The following GSG1L variants were observed in gnomAD, a reference collection of about 807,000 sequenced individuals.
GSG1L encodes GSG1 like.
A neutral mutation model predicts 42.1 loss-of-function variants in GSG1L; 24 were observed. The observed-to-expected ratio is 0.57, with a 90% confidence interval of 0.41 to 0.80. The LOEUF is 0.80. Among genes scored for constraint, GSG1L ranks in the 30% least tolerant of loss-of-function variants. GSG1L has a pLI of 0.00. For synonymous variants in GSG1L, 215 were observed against 203.5 expected (o/e 1.06, Z -0.48); for missense variants, 445 against 472.2 (o/e 0.94, Z 0.53).
At chr16:27,890,928 C>A (rs939307836) in intron 2 of GSG1L, among the ~76,000 whole-genome samples, 1 of 152,118 alleles carries the variant, frequency 6.6e-6, no homozygotes, top group Non-Finnish European at 1.5e-5. Context: ...TGTGGAAGTG[C>A]GGCAGACACA....
rs775685172 is a variant in GSG1L, at chr16:27,989,123, G to A, written c.350-25920C>T. On this transcript the variant is annotated intron_variant, in intron 1 of 6. Coordinates refer to ENST00000447459, the MANE Select transcript of GSG1L (RefSeq NM_001109763.2). ...AGGAGAGAAGGAGAGACAGTTTCAC[G>A]CTGTCTTTATTAGGGCTTTGGATTT... Among the ~76,000 whole-genome samples, 12 of 151,696 alleles carry A rather than the reference G, an allele frequency of 7.9e-5. No individual in the cohort carries two copies. The East Asian group carries it at 2.3e-3, about 29-fold the overall frequency.
At chr16:27,992,073 T>C (rs972988719) in intron 1 of GSG1L, among the ~76,000 whole-genome samples, 1 of 152,220 alleles carries the variant, frequency 6.6e-6, no homozygotes, top group Non-Finnish European at 1.5e-5. Context: ...GCAAGGTCTT[T>C]AAGCAATGCC....
chr16:27,935,008 CAT>C (rs1168287803), intron 2 of GSG1L, among the ~76,000 whole-genome samples: 1 of 152,196 alleles, frequency 6.6e-6, no homozygotes, highest in African/African-American at 2.4e-5. Flanking sequence ...AGACAGAAAA[CAT>C]GTGAACGCAT....
At chr16:27,800,066 C>T (rs1192519505) in intron 6 of GSG1L, among the ~76,000 whole-genome samples, 1 of 152,148 alleles carries the variant, frequency 6.6e-6, no homozygotes, top group Non-Finnish European at 1.5e-5. Flanking sequence ...CTCCATGTGT[C>T]TCTGATGCTC....
chr16:27,943,630 A>G (rs1392935887), intron 2 of GSG1L, among the ~76,000 whole-genome samples: 1 of 118,474 alleles, frequency 8.4e-6, no homozygotes, highest in Non-Finnish European at 1.6e-5. Flanking sequence ...ACTGAAGTGG[A>G]ATGGTGCAAT....
intron 5 of GSG1L, among the ~76,000 whole-genome samples, chr16:27,811,373 T>G (rs1597466048): frequency 1.3e-5 from 2 of 152,300 alleles, no homozygotes; most frequent in East Asian, 3.9e-4. Flanking sequence ...CAAATAATGG[T>G]GCATGTGGTG....
At chr16:27,964,044 C>T (rs2085100918) in intron 1 of GSG1L, among the ~76,000 whole-genome samples, 1 of 151,922 alleles carries the variant, frequency 6.6e-6, no homozygotes, top group African/African-American at 2.4e-5. Flanking sequence ...TACATTGTTT[C>T]CTCAAAGGCT....
At chr16:27,952,351 G>A (rs1297014376) in intron 2 of GSG1L, among the ~76,000 whole-genome samples, 1 of 152,266 alleles carries the variant, frequency 6.6e-6, no homozygotes, top group East Asian at 1.9e-4. Flanking sequence ...CAGAGGACCA[G>A]TCTCTGTAAG....
At chr16:27,957,973 C>T (rs562709289) in intron 2 of GSG1L, among the ~76,000 whole-genome samples, 80 of 152,238 alleles carry the variant, frequency 5.3e-4, no homozygotes, top group African/African-American at 1.8e-3. Context: ...TGAGAATTCA[C>T]GCATTACCAA....
rs985743452 is a variant in GSG1L at position 27,823,908 on chromosome 16, T to C, written c.830+4881A>G. The C allele has an allele frequency of 2.6e-5, 18 of 702,832 alleles. No homozygotes were observed. In the African/African-American group the frequency reaches 3.1e-4, roughly 12 times the overall value. 43.5% of individuals were successfully genotyped at this position (702,832 alleles called of 1,614,324 possible). On this transcript the variant is annotated intron_variant, in intron 5 of 6. Transcript: ENST00000447459. ...GTCGCCCTCCCTCTCTGTGCCTCGA[T>C]TTGCCACCTGTAAAATGGAGGTGAC...
chr16:27,799,182 T>C lies in GSG1L; in HGVS notation c.899-7715A>G, dbSNP rs185287964. ...ACTTTGAAAGGCTGAAGCGGGAGGA[T>C]TGCTGGAGGCCAGGAGTTCGAGACC... On this transcript the variant is annotated intron_variant, in intron 6 of 6. Transcript: ENST00000447459. 2.6e-5 allele frequency among the ~76,000 whole-genome samples: 4 copies of C among 151,740 alleles called. No individual in the cohort carries two copies. In the East Asian group the frequency reaches 7.8e-4, roughly 29 times the overall value.
chr16:27,902,161 A>T (rs776192410), intron 2 of GSG1L, among the ~76,000 whole-genome samples: 1 of 152,196 alleles, frequency 6.6e-6, no homozygotes, highest in Non-Finnish European at 1.5e-5. Flanking sequence ...CGGGAACCAC[A>T]TCTGGCTCTG....
intron 3 of GSG1L, among the ~76,000 whole-genome samples, chr16:27,865,231 C>T (rs987886655): frequency 3.3e-5 from 5 of 152,154 alleles, no homozygotes; most frequent in Admixed American, 6.5e-5. Flanking sequence ...TCTAGGTCTA[C>T]GAGGCCTCTG....
intron 3 of GSG1L, among the ~76,000 whole-genome samples, chr16:27,874,705 T>C (rs1304183908): frequency 4.6e-5 from 7 of 152,132 alleles, no homozygotes; most frequent in Non-Finnish European, 1.0e-4. Context: ...AGCTCTGCAT[T>C]GAGACCCTTG....
chr16:28,003,285 C>T (rs552332475), intron 1 of GSG1L, among the ~76,000 whole-genome samples: 6 of 152,194 alleles, frequency 3.9e-5, no homozygotes, highest in Non-Finnish European at 7.3e-5. Flanking sequence ...AGAATGGATG[C>T]TTGTTAACAC....
chr16:28,008,237 A>G (rs2085668644), intron 1 of GSG1L, among the ~76,000 whole-genome samples: 1 of 151,982 alleles, frequency 6.6e-6, no homozygotes, highest in Non-Finnish European at 1.5e-5. Flanking sequence ...GCACCACCAC[A>G]CACGGCTAAT....
chr16:27,942,152 T>C (rs1325065363), intron 2 of GSG1L, among the ~76,000 whole-genome samples: 1 of 148,486 alleles, frequency 6.7e-6, no homozygotes, highest in African/African-American at 2.5e-5. Flanking sequence ...TTCTTCTTTT[T>C]TTTTTTTTTT....
At chr16:27,807,929 A>T (rs1597463802) in intron 5 of GSG1L, among the ~76,000 whole-genome samples, 2 of 152,366 alleles carry the variant, frequency 1.3e-5, no homozygotes, top group African/African-American at 4.8e-5. Context: ...ATACATTGAA[A>T]GGCACAGAAA....
At chr16:27,860,813 A>G (rs1453872804) in intron 3 of GSG1L, among the ~76,000 whole-genome samples, 1 of 152,146 alleles carries the variant, frequency 6.6e-6, no homozygotes, top group Non-Finnish European at 1.5e-5. Flanking sequence ...GACCAAGGAC[A>G]TCACAGTCAT....
Sources: allele counts gnomAD v4.1 joint callset (sites outside exome capture counted in the v4.1 genomes callset), GRCh38; gene constraint gnomAD v4.1.1; transcripts MANE v1.5; gene names NCBI Gene and HGNC (gene_info 2026-07-23, HGNC 2026-07-21).